Variants in PKHD1 observed in about 807,000 individuals in gnomAD.
PKHD1 encodes fibrocystin.
PKHD1 carries 291 observed loss-of-function variants against 412.0 expected under a neutral mutation model. The ratio of observed to expected loss-of-function variants is 0.71; its 90% confidence interval spans 0.64 to 0.78. The LOEUF (loss-of-function observed/expected upper bound fraction) is 0.78. PKHD1 is among the 30% of genes least tolerant of loss of function. The probability of loss-of-function intolerance (pLI) is 0.00; values close to 1 mark genes in which losing one functional copy is unlikely to be tolerated. For synonymous variants in PKHD1, 1,777 were observed against 1,821.5 expected, an observed-to-expected ratio of 0.98 and a Z score of 0.62; for missense variants, 4,825 against 4,950.7, an observed-to-expected ratio of 0.97 and a Z score of 0.76.
chr6:51,844,585 G>GT (rs1459783700), intron 50 of PKHD1, among the ~76,000 whole-genome samples: 1 of 152,228 alleles, frequency 6.6e-6, no homozygotes, highest in Non-Finnish European at 1.5e-5. Flanking sequence ...CTGGGTTCAG[G>GT]TTTTTTCCAC....
intron 10 of PKHD1, 60 bp from the exon 11 acceptor site, chr6:52,069,587 T>C (rs1460213439): frequency 3.9e-6 from 5 of 1,278,702 alleles, no homozygotes; most frequent in African/African-American, 2.9e-5. Flanking sequence ...GCATTTTTTT[T>C]AGTCGGCTGC....
rs1231391714 is a variant in PKHD1 at position 51,975,963 on chromosome 6, T to TGAAAAAAAA, written c.5752-15938_5752-15937insTTTTTTTTC. The TGAAAAAAAA allele has an allele frequency of 2.6e-3, 181 of 69,774 alleles. 24 individuals are homozygous for TGAAAAAAAA. The highest frequency in any genetic ancestry group is 5.3e-3 in the African/African-American group (98 of 18,510). 4.3% of individuals were successfully genotyped at this position (69,774 alleles called of 1,614,324 possible). A position where few individuals can be genotyped will look rare whatever the true frequency, so the allele number is the denominator to read the frequency against. On this transcript the variant is annotated intron_variant, in intron 35 of 66. Coordinates refer to ENST00000371117, the MANE Select transcript of PKHD1 (RefSeq NM_138694.4). ...AACATAGCGAGACCCTTTCTCTAAT[T>TGAAAAAAAA]AAAAAAAAAAAAAAAAAAAAAAAAA...
chr6:51,643,639 G>A (rs959511851), intron 63 of PKHD1, among the ~76,000 whole-genome samples: 2 of 152,160 alleles, frequency 1.3e-5, no homozygotes, highest in African/African-American at 4.8e-5. Flanking sequence ...TGGACATGCT[G>A]AAAACATTTA....
At chr6:52,075,420 A>T (rs9474141) in intron 6 of PKHD1, among the ~76,000 whole-genome samples, 2,885 of 152,322 alleles carry the variant, frequency 0.019, 91 homozygotes, top group African/African-American at 0.066. Context: ...CCATTTTGGA[A>T]ACTCTAACAA....
At chr6:52,056,043 C>G (rs1370369868) in intron 18 of PKHD1, among the ~76,000 whole-genome samples, 1 of 152,146 alleles carries the variant, frequency 6.6e-6, no homozygotes, top group Non-Finnish European at 1.5e-5. Context: ...TAGGGGCTGT[C>G]CTGTTCACCA....
chr6:51,831,818 G>A (rs1422033190), intron 51 of PKHD1, among the ~76,000 whole-genome samples: 1 of 152,162 alleles, frequency 6.6e-6, no homozygotes, highest in Non-Finnish European at 1.5e-5. Context: ...CATTCTGCTA[G>A]TATCTCATCG....
At chr6:51,642,730 C>T (rs1368534071) in intron 63 of PKHD1, among the ~76,000 whole-genome samples, 1 of 152,062 alleles carries the variant, frequency 6.6e-6, no homozygotes, top group African/African-American at 2.4e-5. Context: ...ATCCCAGCTA[C>T]TCAGGAGGCT....
chr6:52,046,165 G>C lies in PKHD1; in HGVS notation c.2431C>G (p.His811Asp). ...TTCTGTAAGAGCTGGTGAAGGTGAT[G>C]AGCAGAAATTTGTACAGGGACATCT... ...ISDVPVQISA[H>D]HLHQLLQNNA... Residue 811 changes from histidine to aspartate, a missense_variant, in exon 24 of 67, where the codon CAT (histidine) becomes GAT (aspartate). By Grantham distance (81) the His-to-Asp change is moderately conservative. Transcript: ENST00000371117. The C allele has an allele frequency of 6.2e-7, 1 of 1,613,454 alleles. No individual in the cohort carries two copies. The highest frequency in any genetic ancestry group is 8.5e-7 in the Non-Finnish European group (1 of 1,179,394).
At chr6:52,074,435 G>A (rs980438355) in intron 6 of PKHD1, among the ~76,000 whole-genome samples, 1 of 152,182 alleles carries the variant, frequency 6.6e-6, no homozygotes, top group Non-Finnish European at 1.5e-5. Flanking sequence ...GAAATCCAGA[G>A]TCTCAAGTTT....
chr6:51,719,388 C>A (rs9370044), intron 60 of PKHD1, among the ~76,000 whole-genome samples: 47,112 of 151,840 alleles, frequency 0.31, 9,028 homozygotes, highest in East Asian at 0.56. Context: ...CTCACCCTTG[C>A]CTATTGACAT....
intron 27 of PKHD1, among the ~76,000 whole-genome samples, chr6:52,038,735 C>T (rs776178514): frequency 1.3e-5 from 2 of 152,152 alleles, no homozygotes; most frequent in African/African-American, 2.4e-5. Flanking sequence ...CAAAAATTAA[C>T]TCAGAATGAA....
intron 52 of PKHD1, among the ~76,000 whole-genome samples, chr6:51,822,890 T>G (rs146279528): frequency 2.6e-5 from 4 of 152,276 alleles, no homozygotes; most frequent in Non-Finnish European, 5.9e-5. Context: ...TGCTTTCCCA[T>G]CAAGTTTATG....
intron 43 of PKHD1, among the ~76,000 whole-genome samples, chr6:51,898,233 A>G (rs1780484627): frequency 6.6e-6 from 1 of 151,294 alleles, no homozygotes; most frequent in Non-Finnish European, 1.5e-5. Context: ...ACCACACCAC[A>G]CCTATTCCAA....
chr6:52,069,608 G>A (rs894323359), intron 10 of PKHD1, 81 bp from the exon 11 acceptor site: 1 of 974,606 alleles, frequency 1.0e-6, no homozygotes, highest in African/African-American at 1.6e-5. Flanking sequence ...CTGAAAGGAA[G>A]ATTGGGAACT....
intron 60 of PKHD1, among the ~76,000 whole-genome samples, chr6:51,715,801 A>G (rs1781187136): frequency 6.6e-6 from 1 of 152,224 alleles, no homozygotes; most frequent in African/African-American, 2.4e-5. Context: ...CTGTTTGTTC[A>G]TGTTTTTGTA....
intron 43 of PKHD1, 135 bp downstream of exon 43, chr6:51,903,462 G>A (rs190501806): frequency 5.2e-5 from 39 of 747,862 alleles, no homozygotes; most frequent in Non-Finnish European, 4.8e-6. Context: ...TGCATTTTAT[G>A]TGTGACCCAA....
chr6:51,921,023 A>G (rs1349121764), intron 37 of PKHD1, among the ~76,000 whole-genome samples: 1 of 151,424 alleles, frequency 6.6e-6, no homozygotes, highest in Non-Finnish European at 1.5e-5. Context: ...TTTCTTCTCT[A>G]TTAGTCTTGC....
chr6:51,916,102 C>A (rs1189482236), intron 37 of PKHD1, among the ~76,000 whole-genome samples: 2 of 152,128 alleles, frequency 1.3e-5, no homozygotes, highest in Non-Finnish European at 2.9e-5. Context: ...TTACAGGTGG[C>A]ACCATGACTG....
At chr6:51,733,811 T>C (rs926103925) in intron 60 of PKHD1, among the ~76,000 whole-genome samples, 3 of 152,116 alleles carry the variant, frequency 2.0e-5, no homozygotes, top group Non-Finnish European at 4.4e-5. Flanking sequence ...GCAAACTAGG[T>C]CACTGGGTAG....
Sources: gnomAD v4.1 joint callset for allele counts (sites outside exome capture counted in the v4.1 genomes callset) on GRCh38, gnomAD v4.1.1 for gene constraint, MANE v1.5 for transcripts, NCBI Gene and HGNC (gene_info 2026-07-23, HGNC 2026-07-21) for gene names.